The following CNPPD1 variants were observed in gnomAD, a reference collection of about 807,000 sequenced individuals.
CNPPD1 encodes cyclin Pas1/PHO80 domain containing 1.
In CNPPD1, 40 loss-of-function variants were observed where a neutral mutation model predicts 43.7. That is an observed-to-expected ratio of 0.92 (90% CI 0.71 to 1.19). The LOEUF (loss-of-function observed/expected upper bound fraction) is 1.19. CNPPD1 is among the 50% of genes most tolerant of loss of function. The probability of loss-of-function intolerance (pLI) is 0.00; values close to 1 mark genes in which losing one functional copy is unlikely to be tolerated. For synonymous variants in CNPPD1, 208 were observed against 214.3 expected, an observed-to-expected ratio of 0.97 and a Z score of 0.26; for missense variants, 511 against 518.5, an observed-to-expected ratio of 0.99 and a Z score of 0.14.
At chr2:219,175,194 TTA>T in intron 3 of CNPPD1, 86 bp from the exon 4 acceptor site, 1 of 1,469,842 alleles carries the variant, frequency 6.8e-7, no homozygotes, top group Non-Finnish European at 9.0e-7. Flanking sequence ...TCTTTACCTC[TTA>T]TCTTTGGAAA....
At chr2:219,175,507 A>T in intron 3 of CNPPD1, 84 bp downstream of exon 3, 3 of 1,298,304 alleles carry the variant, frequency 2.3e-6, no homozygotes, top group Non-Finnish European at 3.3e-6. Context: ...AAAAAAAAAA[A>T]AGAAAGAAAG....
Position 219,172,155 on chromosome 2 carries a change from C to A in CNPPD1, c.*431G>T. 4.6e-6 allele frequency: 1 copy of A among 217,244 alleles called. No individual in the cohort carries two copies. The allele number at this position is 217,244 out of a possible 1,614,324, so 13.5% of individuals were successfully genotyped here. A position where few individuals can be genotyped will look rare whatever the true frequency, so the allele number is the denominator to read the frequency against. On this transcript the variant is annotated 3_prime_UTR_variant, in exon 8 of 8. Transcript: ENST00000360507. Reference sequence around the variant, plus strand: ...CCCTGCCTCACCCAGCAGCTCCCACCTGAACCCATCAGTCCCCGGCTCTTC... The same window carrying A: ...CCCTGCCTCACCCAGCAGCTCCCACATGAACCCATCAGTCCCCGGCTCTTC...
chr2:219,174,742 C>A (rs1044108580), intron 5 of CNPPD1, 36 bp downstream of exon 5: 1 of 1,544,348 alleles, frequency 6.5e-7, no homozygotes, highest in East Asian at 2.3e-5. Context: ...AAAGATGGGC[C>A]AGGGAAACTG....
chr2:219,176,783 G>T lies in CNPPD1; in HGVS notation c.46C>A (p.Leu16Ile). The T allele has an allele frequency of 6.3e-7, 1 of 1,584,464 alleles. No individual in the cohort carries two copies. Among genetic ancestry groups the T allele is most frequent in the Non-Finnish European group, 8.6e-7 (1 of 1,166,016 alleles). Residue 16 changes from leucine to isoleucine, a missense_variant, in exon 1 of 8, where the codon CTC (leucine) becomes ATC (isoleucine). Coordinates refer to ENST00000360507, the MANE Select transcript of CNPPD1 (RefSeq NM_015680.6). ...ACCGTGAAGTCCTGGAAGCCGGCGAGGGAGAAGGTGCCTTCTTCGTCCAGC... is the reference window on the plus strand; with the variant it reads ...ACCGTGAAGTCCTGGAAGCCGGCGATGGAGAAGGTGCCTTCTTCGTCCAGC... Reference protein sequence around the residue: ...LLLDEEGTFSLAGFQDFTFLP... With the variant: ...LLLDEEGTFSIAGFQDFTFLP...
chr2:219,174,860 AC>A lies in CNPPD1; in HGVS notation c.427del (p.Val143SerfsTer25). On this transcript the variant is annotated frameshift_variant, in exon 5 of 8. Coordinates refer to ENST00000360507, the MANE Select transcript of CNPPD1 (RefSeq NM_015680.6). LOFTEE classifies it high-confidence loss of function. The stretch of plus-strand genomic sequence containing the variant: ...AGCAGCTCCCCATTCGTCGTTGAAG[AC>A]CTCCTCCTCCTCCCCTTCATCATAG... ...YLYDEGEEEE[V>X]FNDEWGAAGG... The A allele has an allele frequency of 6.2e-7, 1 of 1,613,544 alleles. No individual in the cohort carries two copies. Among genetic ancestry groups the A allele is most frequent in the South Asian group, 1.1e-5 (1 of 91,024 alleles).
Position 219,175,021 on chromosome 2 carries a change from A to T in CNPPD1, c.348T>A (p.His116Gln). The T allele has an allele frequency of 6.2e-7, 1 of 1,613,944 alleles. No homozygotes were observed. Among genetic ancestry groups the T allele is most frequent in the Non-Finnish European group, 8.5e-7 (1 of 1,179,982 alleles). ...TCAGGAACAAGTCAGAGGATGACAC[A>T]TGCTGCAAGTAGTCTGGGTTTCGGT... is the stretch of plus-strand genomic sequence containing the variant. ...LRHRNPDYLQ[H>Q]VSSSDLFLIS... is the part of the protein sequence containing the mutation. Residue 116 changes from histidine (H) to glutamine (Q), a missense_variant, in exon 4 of 8, where the codon CAT (histidine) becomes CAA (glutamine). His to Gln is a conservative substitution (Grantham distance 24). Coordinates refer to ENST00000360507, the MANE Select transcript of CNPPD1 (RefSeq NM_015680.6).
At chr2:219,176,962 C>G (rs1950180283), upstream of CNPPD1, 2 of 675,262 alleles carry the variant, frequency 3.0e-6, no homozygotes, top group Non-Finnish European at 2.4e-6. Flanking sequence ...CGCCCTCGCC[C>G]TCGCAGCTCC....
Position 219,171,955 on chromosome 2 carries a change from C to T in CNPPD1, c.*631G>A, listed in dbSNP as rs1378357241. ...TACAAAAGCGTGAAAAACCCTGATACAAAGCAGTGGCCAGAGAGGCCTGGG... is the reference window on the plus strand; with the variant it reads ...TACAAAAGCGTGAAAAACCCTGATATAAAGCAGTGGCCAGAGAGGCCTGGG... On this transcript the variant is annotated 3_prime_UTR_variant, in exon 8 of 8. Coordinates refer to ENST00000360507, the MANE Select transcript of CNPPD1 (RefSeq NM_015680.6). The T allele has an allele frequency of 1.3e-5, 2 of 153,180 alleles. No individual in the cohort carries two copies. Among genetic ancestry groups the T allele is most frequent in the Admixed American group, 6.5e-5 (1 of 15,362 alleles). 9.5% of individuals were successfully genotyped at this position (153,180 alleles called of 1,614,324 possible).
chr2:219,174,974 AG>A lies in CNPPD1; in HGVS notation c.381+13del. 1.9e-6 allele frequency: 3 copies of A among 1,614,002 alleles called. No individual in the cohort carries two copies. The highest frequency in any genetic ancestry group is 2.5e-6 in the Non-Finnish European group (3 of 1,179,998). Reference sequence around the variant, plus strand: ...CTCTTGGCTCTTTAGGGAGATGGGGAGGGGGTGTCTTACCATGGAGATCAGG... The same window carrying A: ...CTCTTGGCTCTTTAGGGAGATGGGGAGGGGTGTCTTACCATGGAGATCAGG... On this transcript the variant is annotated intron_variant, in intron 4 of 7. Transcript: ENST00000360507.
In CNPPD1 at chr2:219,174,767, C is replaced by T; in HGVS notation, c.510+11G>A. 6.3e-7 allele frequency: 1 copy of T among 1,581,308 alleles called. No individual in the cohort carries two copies. Among genetic ancestry groups the T allele is most frequent in the African/African-American group, 1.3e-5 (1 of 74,140 alleles). ...CAGGGAAACTGAGCAAGAGAGAGAA[C>T]AGCTGCTCACCATGGCACTCAGGAA... is the stretch of plus-strand genomic sequence containing the variant. On this transcript the variant is annotated intron_variant, in intron 5 of 7. Transcript: ENST00000360507.
At chr2:219,173,269 G>C in intron 7 of CNPPD1, 81 bp downstream of exon 7, 1 of 1,462,464 alleles carries the variant, frequency 6.8e-7, no homozygotes, top group Non-Finnish European at 9.4e-7. Flanking sequence ...CATCTCCTGG[G>C]CTTTTCAGCA....
At chr2:219,173,524 G>C in intron 6 of CNPPD1, 57 bp from the exon 7 acceptor site, 1 of 1,496,740 alleles carries the variant, frequency 6.7e-7, no homozygotes, top group African/African-American at 1.4e-5. Context: ...CAGCCCAGTG[G>C]CACCCTCATA....
In CNPPD1 at chr2:219,172,721, G is replaced by A; in HGVS notation, c.1098C>T (p.Pro366=). ...GAGCCAGGCCATAGGTATGGTACCA[G>A]GGGCTGGACAGCGCAGTGGGGACTG... The part of the protein sequence containing the change: ...NRTVPTALSS[P]WYHTYGLAPP... The change falls in exon 8 of 8, where the codon CCC becomes CCT. Residue 366 remains proline (P), a synonymous_variant. Transcript: ENST00000360507. 1 of 1,613,892 alleles carries A rather than the reference G, an allele frequency of 6.2e-7. No homozygotes were observed. The highest frequency in any genetic ancestry group is 1.1e-5 in the South Asian group (1 of 91,064).
chr2:219,172,492 G>A lies in CNPPD1; in HGVS notation c.*94C>T, dbSNP rs1950085810. The A allele has an allele frequency of 1.5e-6, 2 of 1,365,940 alleles. No homozygotes were observed. 84.6% of individuals were successfully genotyped at this position (1,365,940 alleles called of 1,614,324 possible). A position where few individuals can be genotyped will look rare whatever the true frequency, so the allele number is the denominator to read the frequency against. The stretch of plus-strand genomic sequence containing the variant: ...CCAGGAGGACAGGGGACCTGCCAAG[G>A]ACCCAGCGAGGCAGACAGGATCTGA... On this transcript the variant is annotated 3_prime_UTR_variant, in exon 8 of 8. Coordinates refer to ENST00000360507, the MANE Select transcript of CNPPD1 (RefSeq NM_015680.6).
intron 7 of CNPPD1, 107 bp downstream of exon 7, chr2:219,173,243 C>G: frequency 1.4e-6 from 2 of 1,410,008 alleles, no homozygotes. Flanking sequence ...CCACTCTGCC[C>G]ATCTATTCCC....
chr2:219,173,255 A>G, intron 7 of CNPPD1, 95 bp downstream of exon 7: 1 of 1,431,174 alleles, frequency 7.0e-7, no homozygotes, highest in South Asian at 1.3e-5. Context: ...TCTATTCCCA[A>G]CCCCATCTCC....
In CNPPD1 at chr2:219,176,803, T is replaced by G; in HGVS notation, c.26A>C (p.Asp9Ala). The G allele has an allele frequency of 6.3e-7, 1 of 1,583,736 alleles. No individual in the cohort carries two copies. The highest frequency in any genetic ancestry group is 1.8e-5 in the Admixed American group (1 of 55,662). ...GGCGAGGGAGAAGGTGCCTTCTTCG[T>G]CCAGCAGGAGCCCGGTCAGGTCCAT... MDLTGLLLDEEGTFSLAGF... is the reference protein window; with the variant it reads MDLTGLLLAEEGTFSLAGF... The change falls in exon 1 of 8, where the codon GAC (aspartate) becomes GCC (alanine). Residue 9 changes from aspartate to alanine, a missense_variant. Asp to Ala is a moderately radical substitution (Grantham distance 126, BLOSUM62 -2). Transcript: ENST00000360507.
rs1472603017 is a variant in CNPPD1, at chr2:219,176,244, C to T, written c.157G>A (p.Glu53Lys). 4 of 1,613,678 alleles carry T rather than the reference C, an allele frequency of 2.5e-6. No individual in the cohort carries two copies. In the South Asian group the frequency reaches 3.3e-5, roughly 13 times the overall value. The stretch of plus-strand genomic sequence containing the variant: ...TAACCTGCCACCGGGCTGGAGAGCT[C>T]CTCCAGGCTACAGTCGGCTTCCCAG... ...WDWEADCSLE[E>K]LSSPVADIAV... The change falls in exon 2 of 8, where the codon GAG (glutamate) becomes AAG (lysine). Residue 53 changes from glutamate (E) to lysine (K), a missense_variant. Glu to Lys is a moderately conservative substitution (Grantham distance 56). Coordinates refer to ENST00000360507, the MANE Select transcript of CNPPD1 (RefSeq NM_015680.6).
upstream of CNPPD1, chr2:219,176,981 G>C: frequency 1.6e-6 from 1 of 607,080 alleles, no homozygotes; most frequent in Middle Eastern, 3.5e-4. Flanking sequence ...CCCTCCCCCC[G>C]GCGGCGGAAG....
Sources: gnomAD v4.1 joint callset for allele counts on GRCh38, gnomAD v4.1.1 for gene constraint, MANE v1.5 for transcripts, NCBI Gene and HGNC (gene_info 2026-07-23, HGNC 2026-07-21) for gene names.